The following OSBPL1A variants were observed in gnomAD, a reference collection of about 807,000 sequenced individuals.
OSBPL1A encodes the protein oxysterol-binding protein-related protein 1.
OSBPL1A carries 80 observed loss-of-function variants against 137.1 expected under a neutral mutation model. The observed-to-expected ratio is 0.58, with a 90% confidence interval of 0.49 to 0.70. The LOEUF is 0.70. Ranked by LOEUF, OSBPL1A falls within the 30% of genes least tolerant of loss-of-function variation. OSBPL1A has a pLI of 0.00. For missense variants in OSBPL1A, 970 were observed against 1,129.4 expected (o/e 0.86, Z 2.02); for synonymous variants, 365 against 389.7 (o/e 0.94, Z 0.75).
chr18:24,368,527 G>A (rs1238814107), intron 2 of OSBPL1A, 155 bp from the exon 3 acceptor site: 3 of 600,104 alleles, frequency 5.0e-6, no homozygotes, highest in African/African-American at 1.9e-5. Flanking sequence ...TGTAATGGGT[G>A]TAAAGGACGA....
chr18:24,328,603 G>A (rs1014878923), intron 7 of OSBPL1A, among the ~76,000 whole-genome samples: 1 of 152,118 alleles, frequency 6.6e-6, no homozygotes, highest in South Asian at 2.1e-4. Context: ...AGAAAGACAA[G>A]AGCACTTCTG....
At chr18:24,321,062 T>G (rs899181445) in intron 7 of OSBPL1A, among the ~76,000 whole-genome samples, 12 of 144,120 alleles carry the variant, frequency 8.3e-5, no homozygotes, top group African/African-American at 3.3e-4. Context: ...AAAAGAATAA[T>G]AATAATAACT....
At chr18:24,321,241 G>T (rs2090848805) in intron 7 of OSBPL1A, among the ~76,000 whole-genome samples, 1 of 152,208 alleles carries the variant, frequency 6.6e-6, no homozygotes, top group East Asian at 1.9e-4. Flanking sequence ...TAGGTGCACA[G>T]AGTTGTGCAA....
At chr18:24,189,025 T>C (rs1454306979) in intron 18 of OSBPL1A, among the ~76,000 whole-genome samples, 5 of 152,228 alleles carry the variant, frequency 3.3e-5, no homozygotes, top group East Asian at 1.9e-4. Flanking sequence ...ACTTCTATCA[T>C]TGAGAGCTTC....
At chr18:24,168,366 T>C (rs1378881389) in intron 24 of OSBPL1A, among the ~76,000 whole-genome samples, 4 of 152,124 alleles carry the variant, frequency 2.6e-5, no homozygotes, top group African/African-American at 9.7e-5. Context: ...GTTACATTCT[T>C]GGGGAAGTCA....
chr18:24,366,294 C>T (rs1167712673), intron 4 of OSBPL1A: 1 of 152,146 alleles, frequency 6.6e-6, no homozygotes, highest in Non-Finnish European at 1.5e-5. Context: ...TCCTAGAACC[C>T]TGTCCTTTCA....
At chr18:24,266,533 T>G (rs544516864) in intron 15 of OSBPL1A, among the ~76,000 whole-genome samples, 3 of 151,472 alleles carry the variant, frequency 2.0e-5, no homozygotes, top group Non-Finnish European at 4.4e-5. Context: ...GAAAAGAAAG[T>G]ATGAAGGAAA....
chr18:24,315,138 C>A (rs531615663), intron 11 of OSBPL1A, among the ~76,000 whole-genome samples: 1 of 152,254 alleles, frequency 6.6e-6, no homozygotes, highest in African/African-American at 2.4e-5. Flanking sequence ...GGAAAGGGGC[C>A]AAGGAGCTGT....
At chr18:24,287,559 G>T (rs930164155) in intron 14 of OSBPL1A, among the ~76,000 whole-genome samples, 6 of 152,142 alleles carry the variant, frequency 3.9e-5, no homozygotes, top group African/African-American at 1.2e-4. Context: ...GATCACCTGA[G>T]ATCAGGAGTT....
chr18:24,196,196 T>A lies in OSBPL1A; in HGVS notation c.1606A>T (p.Ser536Cys), dbSNP rs757741514. The A allele has an allele frequency of 6.2e-7, 1 of 1,606,556 alleles. No homozygotes were observed. The highest frequency in any genetic ancestry group is 8.5e-7 in the Non-Finnish European group (1 of 1,177,420). Reference protein sequence around the residue: ...LSNGIKKHRTSLPSPMFSRND... With the variant: ...LSNGIKKHRTCLPSPMFSRND... ...CTGGAAAACATAGGAGAAGGCAAACTTGTTCTGAAAAAAGAAAAGAAAAAC... is the reference window on the plus strand; with the variant it reads ...CTGGAAAACATAGGAGAAGGCAAACATGTTCTGAAAAAAGAAAAGAAAAAC... The change falls in exon 18 of 28, where the codon AGT becomes TGT. Residue 536 changes from serine (S) to cysteine (C), a missense_variant. Physicochemically the swap from Ser to Cys is moderately radical, Grantham distance 112 (BLOSUM62 -1). This residue lies in a region of OSBPL1A where 647 missense variants were observed against 672.6 expected (regional missense o/e 0.96). Coordinates refer to ENST00000319481, the MANE Select transcript of OSBPL1A (RefSeq NM_080597.4).
At chr18:24,292,294 T>C (rs1223066385) in intron 14 of OSBPL1A, among the ~76,000 whole-genome samples, 1 of 152,124 alleles carries the variant, frequency 6.6e-6, no homozygotes, top group East Asian at 1.9e-4. Flanking sequence ...GATATAAAAA[T>C]CAGTGGCATT....
rs758201266 is a variant in OSBPL1A, at chr18:24,239,266, T to C, written c.1398A>G (p.Pro466=). The C allele has an allele frequency of 1.2e-6, 2 of 1,611,794 alleles. No homozygotes were observed. The highest frequency in any genetic ancestry group is 2.2e-5 in the South Asian group (2 of 90,780). The change falls in exon 16 of 28, where the codon CCA becomes CCG. Residue 466 remains proline (P), a synonymous_variant. Coordinates refer to ENST00000319481, the MANE Select transcript of OSBPL1A (RefSeq NM_080597.4). ...CGTCCTCGCTAAGGATGCTGGCGGG[T>C]GGAGAGCCTTTCACCAGAGACTGCT... ...ELEQSLVKGS[P]PASILSEDEF...
At chr18:24,268,969 T>C (rs1599592235) in intron 15 of OSBPL1A, among the ~76,000 whole-genome samples, 1 of 152,210 alleles carries the variant, frequency 6.6e-6, no homozygotes, top group East Asian at 1.9e-4. Flanking sequence ...ATCACCTCTA[T>C]ACAGTGTGAC....
At chr18:24,377,680 G>A in intron 1 of OSBPL1A, 145 bp from the exon 2 acceptor site, 1 of 829,826 alleles carries the variant, frequency 1.2e-6, no homozygotes, top group Non-Finnish European at 1.8e-6. Context: ...GTTGCAGGGT[G>A]AGAACTTGAG....
In OSBPL1A at chr18:24,226,828, T is replaced by C. The variant is rs1374970048; in HGVS notation, c.1445-1630A>G. Among the ~76,000 whole-genome samples the C allele has an allele frequency of 3.9e-5, 6 of 152,132 alleles. No homozygotes were observed. In the South Asian group the frequency reaches 1.0e-3, roughly 26 times the overall value. ...GTTTTGTTTTCTGTAAATATAACTT[T>C]AGTAAAATTTCTGAAAATATAGTTT... On this transcript the variant is annotated intron_variant, in intron 16 of 27. Transcript: ENST00000319481.
intron 17 of OSBPL1A, among the ~76,000 whole-genome samples, chr18:24,215,490 TG>T (rs1413050055): frequency 6.6e-6 from 1 of 152,256 alleles, no homozygotes; most frequent in Non-Finnish European, 1.5e-5. Context: ...AGGATCTATG[TG>T]GTTTTTAAAA....
chr18:24,263,672 G>T (rs992790650), intron 15 of OSBPL1A, among the ~76,000 whole-genome samples: 1 of 152,124 alleles, frequency 6.6e-6, no homozygotes, highest in East Asian at 1.9e-4. Context: ...GTTGCACTCT[G>T]TCACCCAGGC....
rs962976911 is a variant in OSBPL1A, at chr18:24,339,512, T to G, written c.394+2035A>C. ...CCTGTAAAGTCAACTAAGCCCTTTT[T>G]CTTGTGCAGTTTGAGTTTGGAAATG... On this transcript the variant is annotated intron_variant, in intron 5 of 27. Transcript: ENST00000319481. 3.3e-5 allele frequency among the ~76,000 whole-genome samples: 5 copies of G among 152,338 alleles called. No individual in the cohort carries two copies. The East Asian group carries it at 9.6e-4, about 29-fold the overall frequency.
intron 14 of OSBPL1A, among the ~76,000 whole-genome samples, chr18:24,298,437 C>G (rs529891016): frequency 5.9e-5 from 9 of 152,328 alleles, no homozygotes; most frequent in East Asian, 3.9e-4. Context: ...ACCTCTACCC[C>G]CCGGGTTCAA....
Sources: gnomAD v4.1 joint callset for allele counts (sites outside exome capture counted in the v4.1 genomes callset) on GRCh38, gnomAD v4.1.1 for gene constraint, gnomAD v4.1.1 regional missense constraint, MANE v1.5 for transcripts, NCBI Gene and HGNC (gene_info 2026-07-23, HGNC 2026-07-21) for gene names.